The following LEPR variants were observed in gnomAD, a reference collection of about 807,000 sequenced individuals.
LEPR encodes OB receptor.
LEPR carries 56 observed loss-of-function variants against 114.7 expected under a neutral mutation model. The observed-to-expected ratio is 0.49, with a 90% CI of 0.39 to 0.61. The LOEUF (loss-of-function observed/expected upper bound fraction) is 0.61. LEPR is among the 20% of genes least tolerant of loss of function. The probability of loss-of-function intolerance (pLI) is 0.00; values close to 1 mark genes in which losing one functional copy is unlikely to be tolerated. For missense variants in LEPR, 1,202 were observed against 1,352.9 expected, an observed-to-expected ratio of 0.89 and a Z score of 1.75; for synonymous variants, 443 against 461.4, an observed-to-expected ratio of 0.96 and a Z score of 0.51.
intron 2 of LEPR, among the ~76,000 whole-genome samples, chr1:65,555,121 C>G (rs183599921): frequency 6.8e-4 from 104 of 152,294 alleles, no homozygotes; most frequent in African/African-American, 2.4e-3. Context: ...CTGCGTTGAT[C>G]TCCCTGGGAG....
chr1:65,601,493 A>T lies in LEPR; in HGVS notation c.1096A>T (p.Ile366Phe), dbSNP rs760913071. The change falls in exon 9 of 20, where the codon ATT becomes TTT. Residue 366 changes from isoleucine (I) to phenylalanine (F), a missense_variant. Physicochemically the swap from Ile to Phe is conservative, Grantham distance 21. Transcript: ENST00000349533. ...KENKIVPSKEIVWWMNLAEKI... is the reference protein window; with the variant it reads ...KENKIVPSKEFVWWMNLAEKI... ...AAACAAGATTGTTCCCTCAAAAGAG[A>T]TTGTTTGGTGGATGAATTTAGCTGA... 4 of 1,613,568 alleles carry T rather than the reference A, an allele frequency of 2.5e-6. No homozygotes were observed. The highest frequency in any genetic ancestry group is 3.4e-6 in the Non-Finnish European group (4 of 1,179,736).
At chr1:65,424,794 A>G (rs748359573) in intron 1 of LEPR, among the ~76,000 whole-genome samples, 4 of 152,128 alleles carry the variant, frequency 2.6e-5, no homozygotes, top group Admixed American at 6.5e-5. Context: ...TGTGTGCTCT[A>G]CTTTCTCTCT....
intron 2 of LEPR, among the ~76,000 whole-genome samples, chr1:65,494,597 A>C (rs1225510147): frequency 6.6e-6 from 1 of 152,120 alleles, no homozygotes; most frequent in Non-Finnish European, 1.5e-5. Context: ...AGCTATCACA[A>C]AGGTTTACTT....
chr1:65,626,553 C>T (rs1658224529), intron 19 of LEPR, among the ~76,000 whole-genome samples: 1 of 152,092 alleles, frequency 6.6e-6, no homozygotes, highest in Non-Finnish European at 1.5e-5. Flanking sequence ...GAGAATATAA[C>T]TTCAAAGATT....
rs529923895 is a variant in LEPR at position 65,462,596 on chromosome 1, A to G, written c.-21+37218A>G. On this transcript the variant is annotated intron_variant, in intron 2 of 19. Coordinates refer to ENST00000349533, the MANE Select transcript of LEPR (RefSeq NM_002303.6). ...CCACACTGTCTTCCACAATGGTTGAACTAATTTACACTCCCACCAACAGTG... is the reference window on the plus strand; with the variant it reads ...CCACACTGTCTTCCACAATGGTTGAGCTAATTTACACTCCCACCAACAGTG... Among the ~76,000 whole-genome samples the G allele has an allele frequency of 5.3e-5, 8 of 152,320 alleles. 1 individual carries two copies. In the South Asian group the frequency reaches 1.7e-3, roughly 32 times the overall value.
At chr1:65,455,889 C>G (rs140935590) in intron 2 of LEPR, among the ~76,000 whole-genome samples, 1 of 152,130 alleles carries the variant, frequency 6.6e-6, no homozygotes, top group Non-Finnish European at 1.5e-5. Context: ...GCCTTGCTGC[C>G]GCCTTGCAGT....
At chr1:65,437,622 G>A (rs991031831) in intron 2 of LEPR, among the ~76,000 whole-genome samples, 1 of 151,782 alleles carries the variant, frequency 6.6e-6, no homozygotes, top group African/African-American at 2.4e-5. Context: ...TCTAGCCTAG[G>A]CGACAGAGGG....
chr1:65,616,796 T>C (rs1034874935), intron 15 of LEPR, among the ~76,000 whole-genome samples: 1 of 152,106 alleles, frequency 6.6e-6, no homozygotes, highest in Non-Finnish European at 1.5e-5. Flanking sequence ...GAATTTCTAG[T>C]CTAGATTACA....
At chr1:65,494,506 A>G (rs1648050374) in intron 2 of LEPR, among the ~76,000 whole-genome samples, 1 of 152,108 alleles carries the variant, frequency 6.6e-6, no homozygotes, top group African/African-American at 2.4e-5. Flanking sequence ...ACTAGCATGT[A>G]CCCCAAAGCA....
chr1:65,574,455 G>A (rs1488733527), intron 5 of LEPR, among the ~76,000 whole-genome samples: 2 of 152,072 alleles, frequency 1.3e-5, no homozygotes, highest in East Asian at 1.9e-4. Context: ...AATTAGGGGG[G>A]GTGGAGCTCA....
chr1:65,603,153 CA>C (rs1656563257), intron 10 of LEPR, among the ~76,000 whole-genome samples: 1 of 152,136 alleles, frequency 6.6e-6, no homozygotes, highest in Non-Finnish European at 1.5e-5. Flanking sequence ...GAGTTAATGA[CA>C]TATTTCATCT....
intron 2 of LEPR, among the ~76,000 whole-genome samples, chr1:65,500,659 A>G (rs1424743589): frequency 6.6e-6 from 1 of 152,216 alleles, no homozygotes; most frequent in Non-Finnish European, 1.5e-5. Flanking sequence ...AGAATATAGT[A>G]TATAATACAT....
Position 65,622,317 on chromosome 1 carries a change from C to T in LEPR, c.2598-589C>T, listed in dbSNP as rs556556915. On this transcript the variant is annotated intron_variant, in intron 18 of 19. Transcript: ENST00000349533. ...CCTTTTAGTGGTGACCTGGAGCAGT[C>T]AGTTCATTTATGATCAGCAGGCACT... 2.3e-4 allele frequency among the ~76,000 whole-genome samples: 35 copies of T among 152,152 alleles called. 2 individuals carry two copies. In the South Asian group the frequency reaches 7.1e-3, roughly 31 times the overall value.
chr1:65,613,492 G>A (rs1346440540), intron 14 of LEPR, among the ~76,000 whole-genome samples: 2 of 97,254 alleles, frequency 2.1e-5, no homozygotes, highest in Non-Finnish European at 4.5e-5. Flanking sequence ...GGTGGCTCAC[G>A]CCTGTAATCC....
chr1:65,551,992 C>G (rs1652413584), intron 2 of LEPR, among the ~76,000 whole-genome samples: 1 of 152,118 alleles, frequency 6.6e-6, no homozygotes, highest in Non-Finnish European at 1.5e-5. Flanking sequence ...GCAGGTTGTT[C>G]AGTTTCCATG....
At chr1:65,602,090 A>T in intron 10 of LEPR, 130 bp downstream of exon 10, 1 of 858,034 alleles carries the variant, frequency 1.2e-6, no homozygotes, top group Non-Finnish European at 2.0e-6. Flanking sequence ...ATAATGAATC[A>T]GGAAATTTTT....
intron 14 of LEPR, 36 bp downstream of exon 14, chr1:65,610,332 TTTTATACTC>T: frequency 6.6e-7 from 1 of 1,516,036 alleles, no homozygotes; most frequent in Non-Finnish European, 9.0e-7. Context: ...TAAATTGTAT[TTTTATACTC>T]TTAAAAATTT....
chr1:65,454,230 G>T (rs983367351), intron 2 of LEPR, among the ~76,000 whole-genome samples: 13 of 152,092 alleles, frequency 8.5e-5, no homozygotes, highest in African/African-American at 1.2e-4. Flanking sequence ...TCTTGACTCC[G>T]TATCCAATTT....
At chr1:65,580,463 C>A (rs1654905112) in intron 5 of LEPR, among the ~76,000 whole-genome samples, 1 of 152,160 alleles carries the variant, frequency 6.6e-6, no homozygotes, top group Non-Finnish European at 1.5e-5. Context: ...GATTTAAAAC[C>A]ATATAAATAT....
Sources: gnomAD v4.1 joint callset for allele counts (sites outside exome capture counted in the v4.1 genomes callset) on GRCh38, gnomAD v4.1.1 for gene constraint, MANE v1.5 for transcripts, NCBI Gene and HGNC (gene_info 2026-07-23, HGNC 2026-07-21) for gene names.